CXCL13: variants seen among roughly 807,000 people sequenced by gnomAD.
CXCL13 encodes C-X-C motif chemokine ligand 13.
CXCL13 carries 7 observed loss-of-function variants against 12.2 expected under a neutral mutation model. The observed-to-expected ratio is 0.57, with a 90% CI of 0.33 to 1.07. The LOEUF (loss-of-function observed/expected upper bound fraction) is 1.07, where lower values mean the gene tolerates loss of function less well. Ranked by LOEUF, CXCL13 falls within the 50% of genes least tolerant of loss-of-function variation. CXCL13 has a pLI of 0.04. For synonymous variants in CXCL13, 47 were observed against 42.4 expected (o/e 1.11, Z -0.42); for missense variants, 113 against 127.4 (o/e 0.89, Z 0.55).
chr4:77,518,089 A>C (rs1724475760), intron 1 of CXCL13, among the ~76,000 whole-genome samples: 1 of 152,172 alleles, frequency 6.6e-6, no homozygotes, highest in Admixed American at 6.5e-5. Context: ...TCTGGGTTGA[A>C]AATTCTTTTC....
At chr4:77,574,511 A>G (rs548751329) in intron 1 of CXCL13, among the ~76,000 whole-genome samples, 6 of 151,998 alleles carry the variant, frequency 3.9e-5, no homozygotes, top group Admixed American at 3.3e-4. Flanking sequence ...TAGAACATAT[A>G]CTTTCAGGGA....
intron 1 of CXCL13, among the ~76,000 whole-genome samples, chr4:77,554,162 G>A (rs1055102518): frequency 2.0e-5 from 3 of 152,002 alleles, no homozygotes; most frequent in South Asian, 4.1e-4. Context: ...CCAACCAACA[G>A]CATTCCCTCA....
chr4:77,573,200 A>G (rs1186003642), intron 1 of CXCL13, among the ~76,000 whole-genome samples: 2 of 151,930 alleles, frequency 1.3e-5, no homozygotes, highest in Admixed American at 6.5e-5. Context: ...AAGTTTACCT[A>G]TGTAACAAAC....
intron 2 of CXCL13, among the ~76,000 whole-genome samples, chr4:77,608,331 T>C (rs189578569): frequency 3.3e-5 from 5 of 151,942 alleles, no homozygotes; most frequent in African/African-American, 1.2e-4. Flanking sequence ...TCCTAGCTAC[T>C]TGGGAGGCTG....
chr4:77,546,475 G>A (rs1206979539), intron 1 of CXCL13, among the ~76,000 whole-genome samples: 1 of 152,092 alleles, frequency 6.6e-6, no homozygotes, highest in Non-Finnish European at 1.5e-5. Context: ...TTTAGTCTTG[G>A]GAGGGTGTAT....
At chr4:77,526,901 T>A (rs1025339776) in intron 1 of CXCL13, among the ~76,000 whole-genome samples, 1 of 152,104 alleles carries the variant, frequency 6.6e-6, no homozygotes, top group African/African-American at 2.4e-5. Context: ...CCACTCTTCT[T>A]CCTGGTTAAA....
chr4:77,561,576 G>T (rs529915429), intron 1 of CXCL13, among the ~76,000 whole-genome samples: 14 of 152,226 alleles, frequency 9.2e-5, no homozygotes, highest in Non-Finnish European at 1.9e-4. Flanking sequence ...AGCACCATCT[G>T]CTTCGAAGAC....
chr4:77,587,769 T>C (rs1285947238), intron 1 of CXCL13, among the ~76,000 whole-genome samples: 1 of 152,248 alleles, frequency 6.6e-6, no homozygotes, highest in Non-Finnish European at 1.5e-5. Context: ...TTTTCAGTTC[T>C]CTGATGCTCC....
At chr4:77,517,693 A>G (rs1311988672) in intron 1 of CXCL13, among the ~76,000 whole-genome samples, 2 of 152,196 alleles carry the variant, frequency 1.3e-5, no homozygotes, top group South Asian at 2.1e-4. Context: ...TTTTGAGCCT[A>G]TGTGTGTCTC....
At position 77,516,536 on chromosome 4, in the gene CXCL13, G is replaced by T. The variant is rs1318381178; in HGVS notation, c.-43+4748G>T. 2.0e-5 allele frequency among the ~76,000 whole-genome samples: 3 copies of T among 152,170 alleles called. No individual in the cohort carries two copies. The East Asian group carries it at 5.8e-4, about 29-fold the overall frequency. On this transcript the variant is annotated intron_variant, in intron 1 of 4. Transcript: ENST00000286758. ...CAACTTCTTCCTGGTTTAGTCTTGG[G>T]AGAGTGTATGTGTGGAGGAATTTAT...
At chr4:77,595,108 T>C (rs1176155691) in intron 1 of CXCL13, among the ~76,000 whole-genome samples, 1 of 151,694 alleles carries the variant, frequency 6.6e-6, no homozygotes, top group Non-Finnish European at 1.5e-5. Context: ...ATTTTTTTTT[T>C]TTTTTTTTAC....
intron 1 of CXCL13, among the ~76,000 whole-genome samples, chr4:77,538,772 T>A (rs1031225656): frequency 6.6e-6 from 1 of 152,140 alleles, no homozygotes; most frequent in African/African-American, 2.4e-5. Context: ...AGCCTTCCAC[T>A]GTACGTGTGG....
At chr4:77,536,734 C>G (rs1048570066) in intron 1 of CXCL13, among the ~76,000 whole-genome samples, 1 of 152,096 alleles carries the variant, frequency 6.6e-6, no homozygotes, top group African/African-American at 2.4e-5. Context: ...AAATATCTTT[C>G]TTTTTGGCTT....
At chr4:77,550,700 G>T (rs147557130) in intron 1 of CXCL13, among the ~76,000 whole-genome samples, 1 of 152,262 alleles carries the variant, frequency 6.6e-6, no homozygotes, top group African/African-American at 2.4e-5. Context: ...TTTGTCTGAT[G>T]CTGTCAGTAG....
At chr4:77,537,547 A>G (rs1375535063) in intron 1 of CXCL13, among the ~76,000 whole-genome samples, 2 of 152,210 alleles carry the variant, frequency 1.3e-5, no homozygotes, top group Non-Finnish European at 2.9e-5. Flanking sequence ...TGCTTCAGTA[A>G]TGTGTTGGAT....
chr4:77,529,470 AG>A (rs879882842), intron 1 of CXCL13, among the ~76,000 whole-genome samples: 1 of 152,136 alleles, frequency 6.6e-6, no homozygotes, highest in Non-Finnish European at 1.5e-5. Context: ...AGTGGTTTGT[AG>A]TTCTCCTTGA....
chr4:77,518,943 A>G (rs1372546996), intron 1 of CXCL13, among the ~76,000 whole-genome samples: 3 of 152,042 alleles, frequency 2.0e-5, no homozygotes, highest in Admixed American at 6.6e-5. Flanking sequence ...TTGGACTTTG[A>G]TGATGGTGAT....
chr4:77,522,605 C>T (rs1250892624), intron 1 of CXCL13, among the ~76,000 whole-genome samples: 1 of 134,086 alleles, frequency 7.5e-6, no homozygotes, highest in Admixed American at 8.4e-5. Context: ...ATGTGTGTCT[C>T]TGCATGTGAG....
intron 1 of CXCL13, among the ~76,000 whole-genome samples, chr4:77,556,962 A>G (rs954670544): frequency 3.9e-5 from 6 of 152,226 alleles, no homozygotes; most frequent in Non-Finnish European, 8.8e-5. Context: ...GGCTGCAGTG[A>G]TTTATGATCG....
Sources: allele counts gnomAD v4.1 joint callset (sites outside exome capture counted in the v4.1 genomes callset), GRCh38; gene constraint gnomAD v4.1.1; transcripts MANE v1.5; gene names NCBI Gene and HGNC (gene_info 2026-07-23, HGNC 2026-07-21).